The following PCDHGB2 variants were observed in gnomAD, a reference collection of about 807,000 sequenced individuals.
The protein encoded by PCDHGB2 is protocadherin gamma-B2.
In PCDHGB2, 55 loss-of-function variants were observed where a neutral mutation model predicts 59.3. The ratio of observed to expected loss-of-function variants is 0.93; its 90% CI spans 0.75 to 1.16. The LOEUF (loss-of-function observed/expected upper bound fraction) is 1.16, where lower values mean the gene tolerates loss of function less well. Ranked by LOEUF, PCDHGB2 falls within the 50% of genes most tolerant of loss-of-function variation. The pLI, the probability that PCDHGB2 is intolerant of heterozygous loss-of-function variation, is 0.00. For synonymous variants in PCDHGB2, 516 were observed against 512.0 expected (o/e 1.01, Z -0.11); for missense variants, 1,228 against 1,198.5 (o/e 1.02, Z -0.36).
In PCDHGB2 at chr5:141,486,563, G is replaced by A. The variant is rs558244990; in HGVS notation, c.2422-8244G>A. The A allele has an allele frequency of 1.2e-6, 2 of 1,614,006 alleles. No homozygotes were observed. The highest frequency in any genetic ancestry group is 1.7e-6 in the Non-Finnish European group (2 of 1,180,036). On this transcript the variant is annotated intron_variant, in intron 1 of 3. Coordinates refer to ENST00000522605, the MANE Select transcript of PCDHGB2 (RefSeq NM_018923.3). The surrounding 1 kb of genome is among the most constrained non-coding windows in gnomAD (Gnocchi z 5.0). ...CTTTCAGAGGTCACATGAGGTGTTTGTTCCTGAGAACAATCGCCCAGGGGA... is the reference window on the plus strand; with the variant it reads ...CTTTCAGAGGTCACATGAGGTGTTTATTCCTGAGAACAATCGCCCAGGGGA...
intron 1 of PCDHGB2, chr5:141,389,929 T>A: frequency 6.2e-7 from 1 of 1,614,012 alleles, no homozygotes; most frequent in Non-Finnish European, 8.5e-7. Context: ...CCCTCTGACC[T>A]CCAGGCTGAG....
chr5:141,383,570 G>C (rs1312215313), intron 1 of PCDHGB2: 1 of 1,613,234 alleles, frequency 6.2e-7, no homozygotes, highest in South Asian at 1.1e-5. Flanking sequence ...CCCCGATCCA[G>C]CACCGCCCAC....
chr5:141,476,318 G>T lies in PCDHGB2; in HGVS notation c.2422-18489G>T. 3 of 1,614,202 alleles carry T rather than the reference G, an allele frequency of 1.9e-6. No homozygotes were observed. The highest frequency in any genetic ancestry group is 2.5e-6 in the Non-Finnish European group (3 of 1,180,052). The stretch of plus-strand genomic sequence containing the variant: ...TAGCCTCTCAGCCCGCAGGTTCCGG[G>T]TGGTGTCTGGAGCTAGCCGAAGATT... On this transcript the variant is annotated intron_variant, in intron 1 of 3. Transcript: ENST00000522605. This position sits in a 1 kb window ranked among gnomAD's most constrained non-coding sequence, Gnocchi z 7.6.
chr5:141,376,437 A>C (rs375879976), intron 1 of PCDHGB2: 1 of 1,614,086 alleles, frequency 6.2e-7, no homozygotes, highest in South Asian at 1.1e-5. Flanking sequence ...CAGGAGAGCT[A>C]TGAGAAAAGC....
At chr5:141,399,870 C>CT (rs770811342) in intron 1 of PCDHGB2, 103 of 1,612,856 alleles carry the variant, frequency 6.4e-5, no homozygotes, top group Middle Eastern at 5.4e-4. Context: ...CAGAGCCCGG[C>CT]TACCTGGTGA....
rs368940925 is a variant in PCDHGB2, at chr5:141,360,407, A to G, written c.272A>G (p.Asp91Gly). Residue 91 changes from aspartate to glycine, a missense_variant, in exon 1 of 4, where the codon GAC becomes GGC. Transcript: ENST00000522605. ...GACTTACTTGTGAGTGACAGAATAG[A>G]CCGAGAACAGATATGCGGGAAGCAG... is the stretch of plus-strand genomic sequence containing the variant. ...SGDLLVSDRIDREQICGKQPL... is the reference protein window; with the variant it reads ...SGDLLVSDRIGREQICGKQPL... 1.3e-4 allele frequency: 215 copies of G among 1,613,834 alleles called. No individual in the cohort carries two copies. Among genetic ancestry groups the G allele is most frequent in the Non-Finnish European group, 1.7e-4 (205 of 1,179,876 alleles).
At chr5:141,372,656 G>A in intron 1 of PCDHGB2, 1 of 1,613,956 alleles carries the variant, frequency 6.2e-7, no homozygotes, top group Non-Finnish European at 8.5e-7. Flanking sequence ...CCTACAATCC[G>A]TGTGCTGCCT....
At chr5:141,469,373 G>A (rs532041259) in intron 1 of PCDHGB2, among the ~76,000 whole-genome samples, 3 of 151,992 alleles carry the variant, frequency 2.0e-5, no homozygotes, top group South Asian at 2.1e-4. Context: ...TAAAGAGATC[G>A]AGACCATCCT....
chr5:141,414,330 G>A (rs1472752550), intron 1 of PCDHGB2: 2 of 1,613,714 alleles, frequency 1.2e-6, no homozygotes, highest in Non-Finnish European at 1.7e-6. Flanking sequence ...AGAATGGACA[G>A]GTAACCTGTT....
chr5:141,500,124 A>G (rs1042231430), intron 2 of PCDHGB2, among the ~76,000 whole-genome samples: 2 of 151,656 alleles, frequency 1.3e-5, no homozygotes, highest in African/African-American at 2.4e-5. Flanking sequence ...GCCTTTTCAT[A>G]TATATCTTTC....
At position 141,493,482 on chromosome 5, in the gene PCDHGB2, G is replaced by A. The variant is rs184736387; in HGVS notation, c.2422-1325G>A. ...TTTTAGGACCTTACATGTGGGGAAA[G>A]TCTTCTGTGGCTCCTCATTTCTGAG... On this transcript the variant is annotated intron_variant, in intron 1 of 3. Coordinates refer to ENST00000522605, the MANE Select transcript of PCDHGB2 (RefSeq NM_018923.3). This position sits in a 1 kb window ranked among gnomAD's most constrained non-coding sequence, Gnocchi z 4.3. Among the ~76,000 whole-genome samples the A allele has an allele frequency of 1.5e-3, 229 of 152,324 alleles. No homozygotes were observed. Among genetic ancestry groups the A allele is most frequent in the Non-Finnish European group, 2.2e-3 (147 of 68,030 alleles).
At chr5:141,505,305 C>T (rs1363643214) in intron 2 of PCDHGB2, 88 bp from the exon 3 acceptor site, 2 of 1,595,104 alleles carry the variant, frequency 1.3e-6, no homozygotes, top group Admixed American at 1.7e-5. Flanking sequence ...GGTTAGGGTA[C>T]TAGGTTTGGG....
rs549455612 is a variant in PCDHGB2 at position 141,415,049 on chromosome 5, A to T, written c.2421+52493A>T. On this transcript the variant is annotated intron_variant, in intron 1 of 3. Transcript: ENST00000522605. Reference sequence around the variant, plus strand: ...GAGCCGGGACTCTTCGCGGTGGGGGAGCACACGGGCGAGGTGCGCACGGCG... The same window carrying T: ...GAGCCGGGACTCTTCGCGGTGGGGGTGCACACGGGCGAGGTGCGCACGGCG... 84 of 1,613,216 alleles carry T rather than the reference A, an allele frequency of 5.2e-5. 1 individual carries two copies. In the Admixed American group the frequency reaches 6.0e-4, roughly 12 times the overall value.
chr5:141,492,146 C>T (rs979485619), intron 1 of PCDHGB2, among the ~76,000 whole-genome samples: 3 of 152,242 alleles, frequency 2.0e-5, no homozygotes, highest in African/African-American at 4.8e-5. Flanking sequence ...TGTGACTTCA[C>T]TGTTACCCTC....
chr5:141,454,796 A>ATTTTTTTTTTTTTTTTTTTTTTTTTTTT (rs61612330), intron 1 of PCDHGB2, among the ~76,000 whole-genome samples: 3 of 77,456 alleles, frequency 3.9e-5, no homozygotes, highest in Admixed American at 1.8e-4. Flanking sequence ...CATGGTTCTA[A>ATTTTTTTTTTTTTTTTTTTTTTTTTTTT]TTTTTTTTTT....
chr5:141,375,160 T>G (rs373409677), intron 1 of PCDHGB2: 1 of 1,613,854 alleles, frequency 6.2e-7, no homozygotes, highest in African/African-American at 1.3e-5. Flanking sequence ...TTGCTGAAAG[T>G]GCACCTCCAG....
intron 1 of PCDHGB2, chr5:141,394,020 A>G (rs1311759353): frequency 6.2e-7 from 1 of 1,613,426 alleles, no homozygotes; most frequent in African/African-American, 1.3e-5. Context: ...TAATTATTAT[A>G]GATTAGTGAC....
intron 1 of PCDHGB2, among the ~76,000 whole-genome samples, chr5:141,468,131 C>A (rs1006565854): frequency 1.3e-5 from 2 of 151,650 alleles, no homozygotes; most frequent in South Asian, 4.2e-4. Context: ...TTGAGACCAG[C>A]CTGGCCAACA....
intron 1 of PCDHGB2, chr5:141,388,773 G>A (rs769358867): frequency 1.9e-6 from 3 of 1,613,808 alleles, no homozygotes; most frequent in East Asian, 2.2e-5. Flanking sequence ...CTCTAACACC[G>A]GGGAAATTAC....
Sources: allele counts gnomAD v4.1 joint callset (sites outside exome capture counted in the v4.1 genomes callset), GRCh38; gene constraint gnomAD v4.1.1; non-coding constraint Gnocchi (gnomAD v3.1); transcripts MANE v1.5; gene names NCBI Gene and HGNC (gene_info 2026-07-23, HGNC 2026-07-21).